Variants in TMEM117 observed in about 807,000 individuals in gnomAD.
TMEM117 encodes transmembrane protein 117.
TMEM117 carries 27 observed loss-of-function variants against 52.4 expected under a neutral mutation model. That is an observed-to-expected ratio of 0.51 (90% CI 0.38 to 0.71). The LOEUF is 0.71. TMEM117 is among the 30% of genes least tolerant of loss of function. The pLI is 0.00. For synonymous variants in TMEM117, 215 were observed against 206.3 expected (o/e 1.04, Z -0.36); for missense variants, 556 against 630.5 (o/e 0.88, Z 1.26).
chr12:44,307,511 C>T (rs532589329), intron 6 of TMEM117, among the ~76,000 whole-genome samples: 15 of 152,210 alleles, frequency 9.9e-5, no homozygotes, highest in East Asian at 5.8e-4. Context: ...CAAGTGGTGA[C>T]GTGGAATAAA....
Position 43,885,619 on chromosome 12 carries a change from A to AT in TMEM117, c.277+40701dup, listed in dbSNP as rs144248183. Among the ~76,000 whole-genome samples, 225 of 149,356 alleles carry AT rather than the reference A, an allele frequency of 1.5e-3. 1 individual carries two copies. The highest frequency in any genetic ancestry group is 4.5e-3 in the African/African-American group (186 of 40,926). On this transcript the variant is annotated intron_variant, in intron 2 of 7. Transcript: ENST00000266534. ...CTTTTTAGGCATAAATATATACTTT[A>AT]TTTTTTTTTTAATAAAGAAGATTTA... is the stretch of plus-strand genomic sequence containing the variant.
At chr12:43,899,950 A>G (rs915202358) in intron 2 of TMEM117, among the ~76,000 whole-genome samples, 2 of 152,224 alleles carry the variant, frequency 1.3e-5, no homozygotes, top group South Asian at 2.1e-4. Context: ...ATTACTATGA[A>G]GTGGGACAAA....
chr12:43,803,465 A>G, the TMEM117 span, among the ~76,000 whole-genome samples: 1 of 152,146 alleles, frequency 6.6e-6, no homozygotes, highest in African/African-American at 2.4e-5. Context: ...GGGGAGATAT[A>G]GGTATTTATG....
At chr12:44,016,124 T>A (rs1170993123) in intron 3 of TMEM117, among the ~76,000 whole-genome samples, 1 of 152,182 alleles carries the variant, frequency 6.6e-6, no homozygotes, top group East Asian at 1.9e-4. Flanking sequence ...GGAGTGGGGT[T>A]CATACGGTTC....
At chr12:43,928,224 C>T (rs17093941) in intron 2 of TMEM117, among the ~76,000 whole-genome samples, 224 of 152,098 alleles carry the variant, frequency 1.5e-3, no homozygotes, top group South Asian at 4.4e-3. Context: ...TACTTCCATG[C>T]GATTGCTGTT....
At chr12:44,162,176 C>T (rs911407854) in intron 4 of TMEM117, among the ~76,000 whole-genome samples, 1 of 152,158 alleles carries the variant, frequency 6.6e-6, no homozygotes, top group Admixed American at 6.5e-5. Context: ...AGAACCACAG[C>T]AACTTTGGGC....
At chr12:44,165,006 T>A (rs1329956532) in intron 4 of TMEM117, among the ~76,000 whole-genome samples, 1 of 152,172 alleles carries the variant, frequency 6.6e-6, no homozygotes, top group East Asian at 1.9e-4. Context: ...TGTGAAACAC[T>A]AGAACTTATT....
the TMEM117 span, among the ~76,000 whole-genome samples, chr12:44,395,313 C>T: frequency 6.6e-6 from 1 of 152,178 alleles, no homozygotes; most frequent in Non-Finnish European, 1.5e-5. Flanking sequence ...TTACTTCTGT[C>T]TCCTATAATT....
At chr12:44,370,724 G>T (rs1451728751) in intron 6 of TMEM117, among the ~76,000 whole-genome samples, 1 of 151,994 alleles carries the variant, frequency 6.6e-6, no homozygotes. Flanking sequence ...TGTCACATTG[G>T]CCAGGGTGGT....
the TMEM117 span, chr12:43,805,804 C>T: frequency 3.7e-6 from 5 of 1,364,236 alleles, no homozygotes; most frequent in African/African-American, 7.3e-5. Flanking sequence ...TAATATTCTC[C>T]TTTGGACCAT....
At chr12:44,020,412 A>G (rs1946438750) in intron 3 of TMEM117, among the ~76,000 whole-genome samples, 1 of 152,204 alleles carries the variant, frequency 6.6e-6, no homozygotes, top group African/African-American at 2.4e-5. Context: ...AAGTGGTAGC[A>G]TGGCATAGTT....
chr12:43,911,792 G>A (rs9739592), intron 2 of TMEM117, among the ~76,000 whole-genome samples: 142,118 of 149,262 alleles, frequency 0.95, 67,752 homozygotes, highest in East Asian at 1. Flanking sequence ...CAAAACCACA[G>A]TGAGATACCA....
chr12:44,056,221 G>A (rs1947052491), intron 3 of TMEM117, among the ~76,000 whole-genome samples: 1 of 151,826 alleles, frequency 6.6e-6, no homozygotes, highest in African/African-American at 2.4e-5. Context: ...TTAGACCATA[G>A]GCACACACCA....
chr12:44,242,040 C>G (rs1950069104), intron 5 of TMEM117, among the ~76,000 whole-genome samples: 1 of 151,814 alleles, frequency 6.6e-6, no homozygotes, highest in African/African-American at 2.4e-5. Flanking sequence ...TTCCTTCTTG[C>G]TCTGCATGGA....
chr12:43,990,924 C>T (rs10785492), intron 3 of TMEM117, among the ~76,000 whole-genome samples: 109,332 of 152,148 alleles, frequency 0.72, 44,145 homozygotes, highest in Non-Finnish European at 0.88. Context: ...TATTATTATA[C>T]GCTGGTGCTT....
intron 3 of TMEM117, among the ~76,000 whole-genome samples, chr12:44,061,253 G>A (rs1371305446): frequency 2.6e-5 from 4 of 151,070 alleles, no homozygotes; most frequent in Admixed American, 6.6e-5. Context: ...TGGGGTCAGA[G>A]GAGATTTTCA....
chr12:44,081,317 T>G (rs933668832), intron 3 of TMEM117, among the ~76,000 whole-genome samples: 3 of 152,224 alleles, frequency 2.0e-5, no homozygotes, highest in African/African-American at 7.2e-5. Flanking sequence ...AATTTGAAAA[T>G]GATACAGTTG....
rs1482276299 is a variant in TMEM117, at chr12:44,025,284, G to A, written c.410+80942G>A. 2.6e-5 allele frequency among the ~76,000 whole-genome samples: 4 copies of A among 152,238 alleles called. No homozygotes were observed. In the East Asian group the frequency reaches 5.8e-4, roughly 22 times the overall value. ...GTTCAGGGGCACCTAATCACCATAC[G>A]CAGCGGGTGTGCAGCTGATTGGATT... is the stretch of plus-strand genomic sequence containing the variant. On this transcript the variant is annotated intron_variant, in intron 3 of 7. Coordinates refer to ENST00000266534, the MANE Select transcript of TMEM117 (RefSeq NM_032256.3).
At chr12:44,081,702 AT>A (rs1317757907) in intron 3 of TMEM117, among the ~76,000 whole-genome samples, 1 of 152,050 alleles carries the variant, frequency 6.6e-6, no homozygotes, top group Non-Finnish European at 1.5e-5. Context: ...TTGGGGATTT[AT>A]TTGAGACTGA....
Sources: allele counts gnomAD v4.1 joint callset (sites outside exome capture counted in the v4.1 genomes callset), GRCh38; gene constraint gnomAD v4.1.1; transcripts MANE v1.5; gene names NCBI Gene and HGNC (gene_info 2026-07-23, HGNC 2026-07-21).